GRIA4: variants seen among roughly 807,000 people sequenced by gnomAD.
GRIA4 encodes glutamate receptor 4.
In GRIA4, 34 loss-of-function variants were observed where a neutral mutation model predicts 104.0. The observed-to-expected ratio is 0.33, with a 90% CI of 0.25 to 0.44. The LOEUF (loss-of-function observed/expected upper bound fraction) is 0.44. Among genes scored for constraint, GRIA4 ranks in the 20% least tolerant of loss-of-function variants. GRIA4 has a pLI of 1.00. For synonymous variants in GRIA4, 386 were observed against 381.9 expected (o/e 1.01, Z -0.13); for missense variants, 750 against 1,096.5 (o/e 0.68, Z 4.46).
At chr11:105,719,370 C>T (rs1954216144) in intron 3 of GRIA4, among the ~76,000 whole-genome samples, 1 of 152,116 alleles carries the variant, frequency 6.6e-6, no homozygotes, top group Non-Finnish European at 1.5e-5. Context: ...GATTCCCGAT[C>T]ATTGGTGGAC....
intron 3 of GRIA4, chr11:105,613,665 TA>T (rs895333026): frequency 6.6e-6 from 1 of 152,176 alleles, no homozygotes; most frequent in Non-Finnish European, 1.5e-5. Flanking sequence ...TGTTGGCTGT[TA>T]ATTCATATAG....
At chr11:105,793,230 T>A (rs1942294827) in intron 4 of GRIA4, among the ~76,000 whole-genome samples, 1 of 152,064 alleles carries the variant, frequency 6.6e-6, no homozygotes, top group Admixed American at 6.6e-5. Flanking sequence ...TGGAGTGAGG[T>A]CCAGAAAGTC....
At chr11:105,667,416 T>C (rs768397849) in intron 3 of GRIA4, among the ~76,000 whole-genome samples, 4 of 152,038 alleles carry the variant, frequency 2.6e-5, no homozygotes, top group East Asian at 3.9e-4. Flanking sequence ...TTTTGAAAAA[T>C]AGCTCAAAAA....
At chr11:105,820,511 G>A (rs1484987327) in intron 4 of GRIA4, among the ~76,000 whole-genome samples, 1 of 152,022 alleles carries the variant, frequency 6.6e-6, no homozygotes, top group Admixed American at 6.6e-5. Flanking sequence ...GTTTTCATAT[G>A]CAATGTTCTC....
At position 105,874,130 on chromosome 11, in the gene GRIA4, C is replaced by T. The variant is rs575897566; in HGVS notation, c.672+11922C>T. On this transcript the variant is annotated intron_variant, in intron 5 of 16. Transcript: ENST00000282499. ...AAAGGGGTCCAGTTTCAGTTTTCTGCATATGGCTAGCCAGTTTTCCCAGCA... is the reference window on the plus strand; with the variant it reads ...AAAGGGGTCCAGTTTCAGTTTTCTGTATATGGCTAGCCAGTTTTCCCAGCA... Among the ~76,000 whole-genome samples, 3 of 152,256 alleles carry T rather than the reference C, an allele frequency of 2.0e-5. No homozygotes were observed. In the South Asian group the frequency reaches 6.2e-4, roughly 32 times the overall value.
At chr11:105,838,933 G>T (rs1944288895) in intron 4 of GRIA4, among the ~76,000 whole-genome samples, 1 of 152,162 alleles carries the variant, frequency 6.6e-6, no homozygotes, top group Non-Finnish European at 1.5e-5. Context: ...CATGCAAGCT[G>T]CTGCTAACAC....
chr11:105,767,100 G>A (rs762691008), intron 4 of GRIA4, among the ~76,000 whole-genome samples: 8 of 152,120 alleles, frequency 5.3e-5, no homozygotes, highest in Non-Finnish European at 1.0e-4. Context: ...GCCAACAGGA[G>A]GTGTTTCATA....
At chr11:105,831,130 A>G (rs1943958747) in intron 4 of GRIA4, among the ~76,000 whole-genome samples, 2 of 152,192 alleles carry the variant, frequency 1.3e-5, no homozygotes, top group South Asian at 4.1e-4. Flanking sequence ...TCATTTGGGT[A>G]CTTGACTGGG....
chr11:105,625,228 C>CT (rs1046313160), intron 3 of GRIA4, among the ~76,000 whole-genome samples: 2 of 152,038 alleles, frequency 1.3e-5, no homozygotes, highest in African/African-American at 4.8e-5. Context: ...ACTAAAGACT[C>CT]TATCATGAAG....
intron 5 of GRIA4, among the ~76,000 whole-genome samples, chr11:105,880,544 A>G (rs956974750): frequency 1.4e-4 from 22 of 152,216 alleles, no homozygotes; most frequent in Admixed American, 2.6e-4. Context: ...GGAGAGATGC[A>G]TATAAAGTGA....
chr11:105,618,603 G>A (rs938040759), intron 3 of GRIA4, among the ~76,000 whole-genome samples: 3 of 151,986 alleles, frequency 2.0e-5, no homozygotes, highest in Admixed American at 1.3e-4. Context: ...AGATCTGAGT[G>A]GGGAGGGTGA....
intron 3 of GRIA4, among the ~76,000 whole-genome samples, chr11:105,635,026 G>A (rs1192262332): frequency 6.6e-6 from 1 of 152,154 alleles, no homozygotes; most frequent in Admixed American, 6.5e-5. Context: ...ACTTCACAGT[G>A]TTTCCAAAAC....
intron 12 of GRIA4, among the ~76,000 whole-genome samples, chr11:105,925,349 T>C (rs1284659507): frequency 6.6e-6 from 1 of 152,138 alleles, no homozygotes; most frequent in Non-Finnish European, 1.5e-5. Flanking sequence ...TCAATATCTG[T>C]GGAGTCATGG....
At chr11:105,736,701 A>AT (rs1158841673) in intron 3 of GRIA4, among the ~76,000 whole-genome samples, 2 of 151,850 alleles carry the variant, frequency 1.3e-5, no homozygotes, top group African/African-American at 2.4e-5. Context: ...ATACATTTAA[A>AT]TTTTTTTTCA....
chr11:105,970,778 G>T (rs529389609), intron 14 of GRIA4, among the ~76,000 whole-genome samples: 8 of 152,256 alleles, frequency 5.3e-5, no homozygotes, highest in African/African-American at 1.9e-4. Flanking sequence ...TCTGTCTTGG[G>T]ATGAAATGAA....
chr11:105,838,937 C>A (rs1944289117), intron 4 of GRIA4, among the ~76,000 whole-genome samples: 1 of 152,166 alleles, frequency 6.6e-6, no homozygotes, highest in Admixed American at 6.5e-5. Context: ...CAAGCTGCTG[C>A]TAACACAGCT....
intron 3 of GRIA4, among the ~76,000 whole-genome samples, chr11:105,657,432 A>T (rs1204094662): frequency 6.6e-6 from 1 of 152,040 alleles, no homozygotes; most frequent in Non-Finnish European, 1.5e-5. Flanking sequence ...ATATTTTACA[A>T]ATATTTTGAT....
At chr11:105,978,065 C>G (rs915076389) in intron 16 of GRIA4, among the ~76,000 whole-genome samples, 2 of 152,006 alleles carry the variant, frequency 1.3e-5, no homozygotes, top group African/African-American at 4.8e-5. Context: ...ATAAAACCTA[C>G]CCTTTTTAGT....
intron 4 of GRIA4, among the ~76,000 whole-genome samples, chr11:105,854,341 A>C (rs548072478): frequency 1.3e-5 from 2 of 152,234 alleles, no homozygotes; most frequent in South Asian, 2.1e-4. Flanking sequence ...ATAAAGGCAA[A>C]ACCCTGAAGA....
Sources: gnomAD v4.1 joint callset for allele counts (sites outside exome capture counted in the v4.1 genomes callset) on GRCh38, gnomAD v4.1.1 for gene constraint, MANE v1.5 for transcripts, NCBI Gene and HGNC (gene_info 2026-07-23, HGNC 2026-07-21) for gene names.